Variants in LRRTM4 observed in about 807,000 individuals in gnomAD.
LRRTM4 encodes the protein leucine rich repeat transmembrane neuronal 4, also known as leucine-rich repeat transmembrane neuronal protein 4.
LRRTM4 carries 25 observed loss-of-function variants against 47.6 expected under a neutral mutation model. The ratio of observed to expected loss-of-function variants is 0.53; its 90% CI spans 0.38 to 0.73. The LOEUF is 0.73. Among genes scored for constraint, LRRTM4 ranks in the 30% least tolerant of loss-of-function variants. The probability of loss-of-function intolerance (pLI) is 0.00; values close to 1 mark genes in which losing one functional copy is unlikely to be tolerated. For synonymous variants in LRRTM4, 311 were observed against 269.5 expected (o/e 1.15, Z -1.51); for missense variants, 638 against 713.4 (o/e 0.89, Z 1.20).
At chr2:76,879,955 G>A (rs538865074) in intron 3 of LRRTM4, among the ~76,000 whole-genome samples, 6 of 152,226 alleles carry the variant, frequency 3.9e-5, no homozygotes, top group Admixed American at 6.5e-5. Context: ...AAAGTGGAAC[G>A]TGAAAATGTG....
chr2:76,946,054 C>T (rs1675312644), intron 3 of LRRTM4, among the ~76,000 whole-genome samples: 1 of 151,754 alleles, frequency 6.6e-6, no homozygotes. Context: ...TGCCAAGTTT[C>T]ATACACATAG....
At chr2:77,115,032 C>A (rs1293068043) in intron 3 of LRRTM4, among the ~76,000 whole-genome samples, 3 of 152,040 alleles carry the variant, frequency 2.0e-5, no homozygotes, top group African/African-American at 7.2e-5. Flanking sequence ...TGCAGGAGAC[C>A]AGGGCGTATT....
At chr2:76,805,920 C>T (rs1029984769) in intron 3 of LRRTM4, among the ~76,000 whole-genome samples, 1 of 152,104 alleles carries the variant, frequency 6.6e-6, no homozygotes, top group African/African-American at 2.4e-5. Flanking sequence ...ATAAATCTTT[C>T]TCTATCTCTG....
chr2:76,750,275 C>G (rs1672807752), intron 3 of LRRTM4, among the ~76,000 whole-genome samples: 2 of 152,160 alleles, frequency 1.3e-5, no homozygotes, highest in Non-Finnish European at 2.9e-5. Flanking sequence ...TCAGAGACAC[C>G]AGCACTAGCA....
chr2:77,305,951 C>T (rs564908729), intron 3 of LRRTM4, among the ~76,000 whole-genome samples: 2 of 152,176 alleles, frequency 1.3e-5, no homozygotes, highest in South Asian at 4.1e-4. Context: ...TTTATGTATA[C>T]ACTGGATTAC....
intron 3 of LRRTM4, among the ~76,000 whole-genome samples, chr2:77,156,032 T>C (rs1327551860): frequency 1.3e-5 from 2 of 152,132 alleles, no homozygotes; most frequent in South Asian, 2.1e-4. Context: ...TGTGTCAATT[T>C]AATTTATTTT....
intron 3 of LRRTM4, among the ~76,000 whole-genome samples, chr2:76,843,647 A>G (rs955815132): frequency 3.9e-5 from 6 of 152,216 alleles, no homozygotes; most frequent in East Asian, 3.8e-4. Context: ...ATGATGGACA[A>G]TAAACAGACA....
At chr2:77,112,503 C>A (rs1219710151) in intron 3 of LRRTM4, among the ~76,000 whole-genome samples, 1 of 151,908 alleles carries the variant, frequency 6.6e-6, no homozygotes, top group African/African-American at 2.4e-5. Context: ...ATTGCTTCTG[C>A]AATTAATAAA....
chr2:77,321,659 T>A (rs944353833), intron 3 of LRRTM4, among the ~76,000 whole-genome samples: 3 of 152,058 alleles, frequency 2.0e-5, no homozygotes, highest in Admixed American at 2.0e-4. Context: ...TATCCTCATA[T>A]TTTATATTAG....
At chr2:76,796,304 T>C (rs1434259409) in intron 3 of LRRTM4, among the ~76,000 whole-genome samples, 2 of 117,528 alleles carry the variant, frequency 1.7e-5, no homozygotes, top group African/African-American at 3.7e-5. Context: ...TCCAACTGGG[T>C]GGAGCCCACC....
chr2:76,979,892 T>C (rs1402065985), intron 3 of LRRTM4, among the ~76,000 whole-genome samples: 1 of 151,966 alleles, frequency 6.6e-6, no homozygotes, highest in African/African-American at 2.4e-5. Flanking sequence ...TCTTTTCTTC[T>C]CACCCCTTCT....
chr2:77,259,116 TA>T (rs988512416), intron 3 of LRRTM4, among the ~76,000 whole-genome samples: 28 of 151,482 alleles, frequency 1.8e-4, no homozygotes, highest in East Asian at 3.9e-4. Context: ...ATAAAAAACT[TA>T]AAAAAAAATT....
chr2:77,221,088 T>G (rs550322891), intron 3 of LRRTM4, among the ~76,000 whole-genome samples: 2,125 of 152,298 alleles, frequency 0.014, 45 homozygotes, highest in African/African-American at 0.049. Flanking sequence ...ACCCAGAATT[T>G]CATATCCAGC....
At chr2:76,861,948 A>G (rs1467981609) in intron 3 of LRRTM4, among the ~76,000 whole-genome samples, 2 of 152,148 alleles carry the variant, frequency 1.3e-5, no homozygotes, top group African/African-American at 4.8e-5. Context: ...CAGCTAAATC[A>G]ATGTTGTACC....
At chr2:77,509,801 AG>A (rs1183445434) in intron 3 of LRRTM4, among the ~76,000 whole-genome samples, 1 of 152,166 alleles carries the variant, frequency 6.6e-6, no homozygotes, top group Non-Finnish European at 1.5e-5. Context: ...ATTATATCAC[AG>A]AAAGGTCAGA....
At chr2:77,265,684 A>AT (rs1310296421) in intron 3 of LRRTM4, among the ~76,000 whole-genome samples, 3 of 152,160 alleles carry the variant, frequency 2.0e-5, no homozygotes, top group African/African-American at 4.8e-5. Context: ...GTACTATGAG[A>AT]TTTTACATGT....
At chr2:77,012,222 C>A (rs1207550454) in intron 3 of LRRTM4, among the ~76,000 whole-genome samples, 1 of 151,928 alleles carries the variant, frequency 6.6e-6, no homozygotes, top group Non-Finnish European at 1.5e-5. Flanking sequence ...ATTTCTAGGT[C>A]CTGTCAAAAC....
chr2:77,254,197 T>G (rs1257327664), intron 3 of LRRTM4, among the ~76,000 whole-genome samples: 1 of 151,798 alleles, frequency 6.6e-6, no homozygotes, highest in South Asian at 2.1e-4. Context: ...GGATAAACAT[T>G]CAAATGGCAG....
At chr2:77,055,532 A>C in intron 3 of LRRTM4, among the ~76,000 whole-genome samples, 1 of 152,236 alleles carries the variant, frequency 6.6e-6, no homozygotes, top group Non-Finnish European at 1.5e-5. Flanking sequence ...TTAAAAAGTC[A>C]GTAAACAACA....
Sources: allele counts gnomAD v4.1 joint callset (sites outside exome capture counted in the v4.1 genomes callset), GRCh38; gene constraint gnomAD v4.1.1; transcripts MANE v1.5; gene names NCBI Gene and HGNC (gene_info 2026-07-23, HGNC 2026-07-21).